The following PDE6D variants were observed in gnomAD, a reference collection of about 807,000 sequenced individuals.
PDE6D encodes the protein phosphodiesterase 6D.
Under a neutral mutation model 21.9 loss-of-function variants are expected in PDE6D, and 10 were observed. The observed-to-expected ratio is 0.46, with a 90% CI of 0.28 to 0.78. The LOEUF (loss-of-function observed/expected upper bound fraction) is 0.78, where lower values mean the gene tolerates loss of function less well. Among genes scored for constraint, PDE6D ranks in the 30% least tolerant of loss-of-function variants. The probability of loss-of-function intolerance (pLI) is 0.12; values close to 1 mark genes in which losing one functional copy is unlikely to be tolerated. For missense variants in PDE6D, 139 were observed against 184.8 expected, an observed-to-expected ratio of 0.75 and a Z score of 1.44; for synonymous variants, 59 against 63.5, an observed-to-expected ratio of 0.93 and a Z score of 0.34.
intron 1 of PDE6D, among the ~76,000 whole-genome samples, chr2:231,751,603 T>C (rs2048840659): frequency 6.6e-6 from 1 of 152,248 alleles, no homozygotes; most frequent in African/African-American, 2.4e-5. Flanking sequence ...TCTCAGACTT[T>C]CCTTGTTTTT....
chr2:231,758,851 C>G (rs903564233), intron 1 of PDE6D, among the ~76,000 whole-genome samples: 1 of 152,018 alleles, frequency 6.6e-6, no homozygotes, highest in Non-Finnish European at 1.5e-5. Context: ...CTGATGATGC[C>G]AATGCTACTG....
intron 1 of PDE6D, among the ~76,000 whole-genome samples, chr2:231,770,330 C>G (rs1256059196): frequency 6.6e-6 from 1 of 152,164 alleles, no homozygotes; most frequent in Non-Finnish European, 1.5e-5. Flanking sequence ...ATATATCCAC[C>G]TGCTGCTTAA....
intron 1 of PDE6D, among the ~76,000 whole-genome samples, chr2:231,772,305 C>T (rs1437111807): frequency 1.3e-5 from 2 of 152,204 alleles, no homozygotes; most frequent in African/African-American, 4.8e-5. Flanking sequence ...GTAGACTAAA[C>T]AAGCTTTCAT....
rs527523286 is a variant in PDE6D, at chr2:231,739,007, G to A, written c.139+93C>T. On this transcript the variant is annotated intron_variant, in intron 2 of 4. Transcript: ENST00000287600. This position sits in a 1 kb window ranked among gnomAD's most constrained non-coding sequence, Gnocchi z 4.2. ...ATGCTGTGTCTTCAGGGGCTCACCC[G>A]CCTATTAGGTATGTGTTAACTTAGC... is the stretch of plus-strand genomic sequence containing the variant. 1.8e-4 allele frequency: 112 copies of A among 638,798 alleles called. 1 individual carries two copies. In the East Asian group the frequency reaches 3.1e-3, roughly 17 times the overall value. The allele number at this position is 638,798 out of a possible 1,614,324, so 39.6% of individuals were successfully genotyped here. A position where few individuals can be genotyped will look rare whatever the true frequency, so the allele number is the denominator to read the frequency against.
chr2:231,767,087 C>T (rs1456485182), intron 1 of PDE6D, among the ~76,000 whole-genome samples: 2 of 150,982 alleles, frequency 1.3e-5, no homozygotes, highest in East Asian at 3.9e-4. Context: ...CTCCAAGAGC[C>T]ACAATTAATT....
intron 1 of PDE6D, among the ~76,000 whole-genome samples, chr2:231,773,874 G>A (rs978970582): frequency 2.6e-5 from 4 of 152,026 alleles, no homozygotes; most frequent in African/African-American, 9.7e-5. Context: ...TAGAATGAAG[G>A]CATTAGTTAT....
intron 1 of PDE6D, among the ~76,000 whole-genome samples, chr2:231,752,824 G>T (rs1383503064): frequency 7.1e-6 from 1 of 140,570 alleles, no homozygotes; most frequent in African/African-American, 2.6e-5. Context: ...ATATTTGAGA[G>T]ATTTGAGTTT....
chr2:231,736,673 AATT>A (rs747300287), intron 4 of PDE6D, among the ~76,000 whole-genome samples: 4 of 152,218 alleles, frequency 2.6e-5, no homozygotes, highest in Non-Finnish European at 5.9e-5. Flanking sequence ...TCGAAAACAG[AATT>A]ATTAATAGGA....
chr2:231,753,316 G>A (rs892530743), intron 1 of PDE6D, among the ~76,000 whole-genome samples: 2 of 150,464 alleles, frequency 1.3e-5, no homozygotes, highest in African/African-American at 4.9e-5. Context: ...GAGGTCAGGA[G>A]ATCAAGACCA....
chr2:231,765,954 T>C (rs2048967787), intron 1 of PDE6D, among the ~76,000 whole-genome samples: 1 of 152,256 alleles, frequency 6.6e-6, no homozygotes, highest in Non-Finnish European at 1.5e-5. Flanking sequence ...AGCCCTCTTA[T>C]GCTTCTGCCT....
chr2:231,744,003 C>T (rs768229608), intron 1 of PDE6D, among the ~76,000 whole-genome samples: 10 of 152,214 alleles, frequency 6.6e-5, no homozygotes, highest in Non-Finnish European at 1.2e-4. Flanking sequence ...CGATAGTGTC[C>T]TATGTACCCA....
chr2:231,753,377 C>A (rs980725431), intron 1 of PDE6D, among the ~76,000 whole-genome samples: 34 of 150,422 alleles, frequency 2.3e-4, no homozygotes, highest in African/African-American at 2.9e-4. Context: ...ACAAAAAAAA[C>A]CCCAAAAAAC....
intron 4 of PDE6D, among the ~76,000 whole-genome samples, chr2:231,735,502 G>A (rs144864003): frequency 9.9e-5 from 15 of 150,882 alleles, no homozygotes; most frequent in Admixed American, 2.6e-4. Context: ...GTTTCACTGT[G>A]TTAGCCAAGA....
At position 231,781,179 on chromosome 2, in the gene PDE6D, G is replaced by C; in HGVS notation, c.-65C>G. The C allele has an allele frequency of 6.5e-7, 1 of 1,534,428 alleles. No individual in the cohort carries two copies. Among genetic ancestry groups the C allele is most frequent in the East Asian group, 2.3e-5 (1 of 44,038 alleles). On this transcript the variant is annotated 5_prime_UTR_variant, in exon 1 of 5. Coordinates refer to ENST00000287600, the MANE Select transcript of PDE6D (RefSeq NM_002601.4). ...GGCGGAGCCTCGCAGACGGTGCCCA[G>C]GAGCCGAGGATGGAGCCGCAGCCCG... is the stretch of plus-strand genomic sequence containing the variant.
At chr2:231,748,278 G>C (rs963298120) in intron 1 of PDE6D, among the ~76,000 whole-genome samples, 2 of 152,308 alleles carry the variant, frequency 1.3e-5, no homozygotes, top group South Asian at 2.1e-4. Context: ...AATTCAGATG[G>C]AGATGAGGAA....
At chr2:231,751,117 CTA>C (rs1432947644) in intron 1 of PDE6D, among the ~76,000 whole-genome samples, 1 of 133,746 alleles carries the variant, frequency 7.5e-6, no homozygotes, top group South Asian at 2.3e-4. Flanking sequence ...TTATTCTATT[CTA>C]GTCTTTTTTT....
At chr2:231,763,451 G>GGTCCT (rs2048947442) in intron 1 of PDE6D, among the ~76,000 whole-genome samples, 1 of 152,028 alleles carries the variant, frequency 6.6e-6, no homozygotes, top group Non-Finnish European at 1.5e-5. Flanking sequence ...CAAATATTGG[G>GGTCCT]GATTCCACAG....
At chr2:231,769,514 T>G (rs1213464230) in intron 1 of PDE6D, among the ~76,000 whole-genome samples, 1 of 151,362 alleles carries the variant, frequency 6.6e-6, no homozygotes, top group Admixed American at 6.6e-5. Context: ...CAATTTGCTC[T>G]CTCTCTCTCT....
intron 1 of PDE6D, among the ~76,000 whole-genome samples, chr2:231,763,276 A>G (rs1479390468): frequency 1.3e-5 from 2 of 152,202 alleles, no homozygotes; most frequent in African/African-American, 4.8e-5. Flanking sequence ...CATGGAGGGT[A>G]GCATTATTGC....
Sources: allele counts gnomAD v4.1 joint callset (sites outside exome capture counted in the v4.1 genomes callset), GRCh38; gene constraint gnomAD v4.1.1; non-coding constraint Gnocchi (gnomAD v3.1); transcripts MANE v1.5; gene names NCBI Gene and HGNC (gene_info 2026-07-23, HGNC 2026-07-21).